The following EXOC6 variants were observed in gnomAD, a reference collection of about 807,000 sequenced individuals.
The protein encoded by EXOC6 is exocyst complex component 6.
In EXOC6, 60 loss-of-function variants were observed where a neutral mutation model predicts 112.5. That is an observed-to-expected ratio of 0.53 (90% CI 0.43 to 0.66). The LOEUF is 0.66. EXOC6 is among the 30% of genes least tolerant of loss of function. The pLI, the probability that EXOC6 is intolerant of heterozygous loss-of-function variation, is 0.00. For synonymous variants in EXOC6, 295 were observed against 308.0 expected, an observed-to-expected ratio of 0.96 and a Z score of 0.44; for missense variants, 855 against 957.1, an observed-to-expected ratio of 0.89 and a Z score of 1.41.
chr10:93,028,097 GACCA>G (rs1272594175), intron 20 of EXOC6, among the ~76,000 whole-genome samples: 1 of 152,020 alleles, frequency 6.6e-6, no homozygotes, highest in African/African-American at 2.4e-5. Flanking sequence ...GGGAGTTTGA[GACCA>G]ACCTGGACAA....
intron 14 of EXOC6, among the ~76,000 whole-genome samples, chr10:92,948,964 C>A (rs1165260453): frequency 1.3e-5 from 2 of 152,106 alleles, no homozygotes; most frequent in African/African-American, 4.8e-5. Context: ...AGGAAGTAGA[C>A]CAGCCATGTA....
intron 6 of EXOC6, among the ~76,000 whole-genome samples, chr10:92,910,463 G>A (rs1266721920): frequency 6.6e-6 from 1 of 152,086 alleles, no homozygotes; most frequent in Admixed American, 6.6e-5. Context: ...CCTCTGGGTG[G>A]GGAAATTGCC....
chr10:92,858,222 T>C (rs1342277458), intron 1 of EXOC6, among the ~76,000 whole-genome samples: 1 of 152,278 alleles, frequency 6.6e-6, no homozygotes, highest in East Asian at 1.9e-4. Flanking sequence ...ATGTTTATCT[T>C]ACTTGGAGTT....
chr10:93,019,320 G>A (rs1844677310), intron 20 of EXOC6, among the ~76,000 whole-genome samples: 1 of 152,048 alleles, frequency 6.6e-6, no homozygotes, highest in Non-Finnish European at 1.5e-5. Flanking sequence ...AAACATTGCT[G>A]ATTCTTTCTA....
At chr10:92,854,775 A>G (rs1295655502) in intron 1 of EXOC6, among the ~76,000 whole-genome samples, 1 of 151,874 alleles carries the variant, frequency 6.6e-6, no homozygotes, top group Non-Finnish European at 1.5e-5. Context: ...TTTGTTGAGG[A>G]TTTTTGCATG....
chr10:92,875,168 C>T (rs548765999), intron 1 of EXOC6, among the ~76,000 whole-genome samples: 19 of 152,238 alleles, frequency 1.2e-4, no homozygotes, highest in African/African-American at 4.6e-4. Context: ...GTGAAATTCC[C>T]AGTAACAACA....
At chr10:92,952,074 T>C (rs1457284952) in intron 14 of EXOC6, among the ~76,000 whole-genome samples, 199 bp from the exon 15 acceptor site, 1 of 152,156 alleles carries the variant, frequency 6.6e-6, no homozygotes, top group East Asian at 1.9e-4. Flanking sequence ...ATAATATGAT[T>C]TAAGAAACAA....
chr10:92,960,592 CAAA>C (rs56016433), intron 17 of EXOC6, among the ~76,000 whole-genome samples: 3 of 112,984 alleles, frequency 2.7e-5, no homozygotes, highest in Non-Finnish European at 5.9e-5. Flanking sequence ...ATTTAAATTG[CAAA>C]AAAAAAAAAA....
intron 17 of EXOC6, among the ~76,000 whole-genome samples, chr10:92,964,653 G>T (rs1841972770): frequency 6.6e-6 from 1 of 152,028 alleles, no homozygotes; most frequent in Non-Finnish European, 1.5e-5. Flanking sequence ...ATTAATCAGG[G>T]TTATTAACAG....
chr10:92,928,655 A>T (rs1183499817), intron 9 of EXOC6, among the ~76,000 whole-genome samples: 1 of 152,064 alleles, frequency 6.6e-6, no homozygotes, highest in Non-Finnish European at 1.5e-5. Context: ...ATTTAAAAAA[A>T]AAAAAAAGGA....
rs150970846 is a variant in EXOC6 at position 93,019,040 on chromosome 10, A to C, written c.2169+4773A>C. Among the ~76,000 whole-genome samples the C allele has an allele frequency of 6.6e-3, 997 of 152,096 alleles. 11 individuals are homozygous for C. Among genetic ancestry groups the C allele is most frequent in the African/African-American group, 0.023 (935 of 41,520 alleles). ...ACAAGAATTACATGGAACTGAACTG[A>C]TGGTGGACTAAAATAATTTATTATT... On this transcript the variant is annotated intron_variant, in intron 20 of 21. Transcript: ENST00000260762.
At chr10:92,979,434 A>AG (rs1842749119) in intron 18 of EXOC6, among the ~76,000 whole-genome samples, 1 of 152,202 alleles carries the variant, frequency 6.6e-6, no homozygotes, top group Non-Finnish European at 1.5e-5. Context: ...ATCCAGTGAG[A>AG]TTTTGTTCTC....
At chr10:92,882,686 A>G (rs1314227536) in intron 1 of EXOC6, among the ~76,000 whole-genome samples, 1 of 152,152 alleles carries the variant, frequency 6.6e-6, no homozygotes, top group Non-Finnish European at 1.5e-5. Context: ...ATAATATTTT[A>G]GCCCATTGTT....
At chr10:92,876,251 T>C (rs531068885) in intron 1 of EXOC6, among the ~76,000 whole-genome samples, 183 of 152,362 alleles carry the variant, frequency 1.2e-3, no homozygotes, top group African/African-American at 4.3e-3. Context: ...AAGATCTTCA[T>C]TCCTGGAGAT....
intron 20 of EXOC6, among the ~76,000 whole-genome samples, chr10:93,053,853 A>T (rs1319397343): frequency 6.6e-6 from 1 of 152,182 alleles, no homozygotes; most frequent in Non-Finnish European, 1.5e-5. Flanking sequence ...CATTTGAAAA[A>T]TCCTTACACA....
At chr10:92,864,017 T>C (rs376599966) in intron 1 of EXOC6, among the ~76,000 whole-genome samples, 10 of 150,638 alleles carry the variant, frequency 6.6e-5, no homozygotes, top group East Asian at 3.9e-4. Flanking sequence ...AACATGAAAA[T>C]GAATCATTTA....
intron 18 of EXOC6, among the ~76,000 whole-genome samples, chr10:92,992,580 G>C (rs1843315231): frequency 6.6e-6 from 1 of 152,052 alleles, no homozygotes; most frequent in African/African-American, 2.4e-5. Context: ...ATTTGAACAA[G>C]ATGTTCCATA....
chr10:93,054,804 T>C (rs1181741584), intron 20 of EXOC6, among the ~76,000 whole-genome samples: 1 of 152,216 alleles, frequency 6.6e-6, no homozygotes, highest in Admixed American at 6.5e-5. Flanking sequence ...TACACACATA[T>C]ACCTGAAAGA....
At chr10:92,880,610 T>C (rs1333907245) in intron 1 of EXOC6, among the ~76,000 whole-genome samples, 2 of 152,094 alleles carry the variant, frequency 1.3e-5, no homozygotes, top group African/African-American at 4.8e-5. Flanking sequence ...GGAGAGTAAA[T>C]TTGATGTACA....
Sources: gnomAD v4.1 joint callset for allele counts (sites outside exome capture counted in the v4.1 genomes callset) on GRCh38, gnomAD v4.1.1 for gene constraint, MANE v1.5 for transcripts, NCBI Gene and HGNC (gene_info 2026-07-23, HGNC 2026-07-21) for gene names.